The following CERS3 variants were observed in gnomAD, a reference collection of about 807,000 sequenced individuals.
The protein encoded by CERS3 is LAG1 homolog, ceramide synthase 3.
CERS3 carries 33 observed loss-of-function variants against 50.3 expected under a neutral mutation model. The ratio of observed to expected loss-of-function variants is 0.66; its 90% CI spans 0.50 to 0.88. The LOEUF (loss-of-function observed/expected upper bound fraction) is 0.88. CERS3 is among the 40% of genes least tolerant of loss of function. The probability of loss-of-function intolerance (pLI) is 0.00; values close to 1 mark genes in which losing one functional copy is unlikely to be tolerated. For synonymous variants in CERS3, 176 were observed against 155.2 expected (o/e 1.13, Z -0.99); for missense variants, 470 against 460.3 (o/e 1.02, Z -0.19).
At chr15:100,437,856 C>T (rs768860600) in intron 11 of CERS3, 3 of 152,084 alleles carry the variant, frequency 2.0e-5, no homozygotes, top group Non-Finnish European at 4.4e-5. Flanking sequence ...ACGTTTCAAT[C>T]TACACAGAAC....
upstream of CERS3, among the ~76,000 whole-genome samples, chr15:100,532,613 A>G (rs186085205): frequency 6.6e-6 from 1 of 152,170 alleles, no homozygotes; most frequent in African/African-American, 2.4e-5. Context: ...AAGAAAAAAA[A>G]AAAATAGCTG....
chr15:100,440,353 C>G (rs1335797683), intron 11 of CERS3, among the ~76,000 whole-genome samples: 1 of 152,334 alleles, frequency 6.6e-6, no homozygotes, highest in East Asian at 1.9e-4. Context: ...ATGACATTAT[C>G]TTGTGAAATT....
chr15:100,483,877 T>C (rs1182190938), intron 5 of CERS3, among the ~76,000 whole-genome samples: 1 of 146,730 alleles, frequency 6.8e-6, no homozygotes, highest in Non-Finnish European at 1.5e-5. Context: ...GCCTCCCAGG[T>C]TCACGCCATT....
chr15:100,473,819 T>C (rs2035042408), intron 8 of CERS3, among the ~76,000 whole-genome samples: 1 of 152,200 alleles, frequency 6.6e-6, no homozygotes, highest in Admixed American at 6.5e-5. Flanking sequence ...CATATGTTCA[T>C]GCAAAAACTT....
chr15:100,445,573 A>G (rs933337590), intron 11 of CERS3, among the ~76,000 whole-genome samples: 3 of 152,104 alleles, frequency 2.0e-5, no homozygotes, highest in Non-Finnish European at 4.4e-5. Context: ...ATAATTCTAA[A>G]TGACAAATGT....
intron 11 of CERS3, among the ~76,000 whole-genome samples, chr15:100,412,146 A>G (rs1274172124): frequency 1.3e-5 from 2 of 151,882 alleles, no homozygotes; most frequent in African/African-American, 4.8e-5. Context: ...TTTTTCATTT[A>G]TTGTCTGTGC....
intron 11 of CERS3, among the ~76,000 whole-genome samples, chr15:100,444,667 C>A (rs2033856460): frequency 6.6e-6 from 1 of 152,142 alleles, no homozygotes; most frequent in Non-Finnish European, 1.5e-5. Flanking sequence ...ATTATTCAGG[C>A]CCCCTCCCTT....
At chr15:100,448,285 T>C (rs1265462759) in intron 11 of CERS3, among the ~76,000 whole-genome samples, 4 of 152,222 alleles carry the variant, frequency 2.6e-5, no homozygotes, top group Non-Finnish European at 5.9e-5. Context: ...ACAGATCCTC[T>C]AAGAGAAGAG....
chr15:100,474,801 G>A (rs1271423571), intron 8 of CERS3, among the ~76,000 whole-genome samples: 1 of 152,182 alleles, frequency 6.6e-6, no homozygotes, highest in Non-Finnish European at 1.5e-5. Flanking sequence ...AGGAGATCAA[G>A]TTTAGAGAGT....
intron 2 of CERS3, among the ~76,000 whole-genome samples, chr15:100,502,414 C>G (rs2036040478): frequency 6.6e-6 from 1 of 152,130 alleles, no homozygotes; most frequent in Non-Finnish European, 1.5e-5. Flanking sequence ...TTTAACACAT[C>G]ACTATTCACA....
intron 7 of CERS3, among the ~76,000 whole-genome samples, chr15:100,477,637 C>T (rs1182225447): frequency 6.6e-6 from 1 of 152,064 alleles, no homozygotes; most frequent in Non-Finnish European, 1.5e-5. Context: ...CAAAGAAGAC[C>T]ATCCTATACA....
chr15:100,453,160 G>A (rs1042586085), intron 11 of CERS3, among the ~76,000 whole-genome samples: 20 of 151,140 alleles, frequency 1.3e-4, no homozygotes, highest in African/African-American at 3.6e-4. Context: ...CAAGGCCAGC[G>A]TTACCTTGAT....
chr15:100,530,806 G>A (rs1404192436), upstream of CERS3, among the ~76,000 whole-genome samples: 3 of 152,190 alleles, frequency 2.0e-5, no homozygotes, highest in African/African-American at 7.2e-5. Context: ...AACCAGGCTG[G>A]GAACAGTGGC....
At chr15:100,464,019 C>T (rs1188614800) in intron 10 of CERS3, among the ~76,000 whole-genome samples, 2 of 152,166 alleles carry the variant, frequency 1.3e-5, no homozygotes, top group African/African-American at 2.4e-5. Flanking sequence ...TCTCTATTAG[C>T]CATTCCAAGT....
At position 100,402,462 on chromosome 15, in the gene CERS3, C is replaced by A. The variant is rs759182177; in HGVS notation, c.*251G>T. On this transcript the variant is annotated 3_prime_UTR_variant, in exon 12 of 12. Coordinates refer to ENST00000679737, the MANE Select transcript of CERS3 (RefSeq NM_001378789.1). ...TGAGGGAGTGCAATTAGAACTGAGA[C>A]GGTTCTGTGGAGAAATCTTTGAAAT... The A allele has an allele frequency of 2.1e-6, 1 of 477,130 alleles. No homozygotes were observed. The highest frequency in any genetic ancestry group is 3.7e-5 in the Admixed American group (1 of 26,810). The allele number at this position is 477,130 out of a possible 1,614,324, so 29.6% of individuals were successfully genotyped here. A position where few individuals can be genotyped will look rare whatever the true frequency, so the allele number is the denominator to read the frequency against.
intron 11 of CERS3, among the ~76,000 whole-genome samples, chr15:100,440,832 C>T (rs2033646809): frequency 6.6e-6 from 1 of 152,202 alleles, no homozygotes. Flanking sequence ...AATCTTGGCA[C>T]CACACTTCAA....
chr15:100,475,822 G>A (rs1490561255), intron 8 of CERS3: 1 of 191,516 alleles, frequency 5.2e-6, no homozygotes, highest in Non-Finnish European at 1.1e-5. Flanking sequence ...CCAAGAAACA[G>A]ACATATAAAG....
At chr15:100,533,945 T>A (rs1007781787), upstream of CERS3, among the ~76,000 whole-genome samples, 8 of 152,088 alleles carry the variant, frequency 5.3e-5, no homozygotes, top group African/African-American at 1.9e-4. Flanking sequence ...ATAGGGAGAT[T>A]TTTCCCTTGA....
intron 11 of CERS3, among the ~76,000 whole-genome samples, chr15:100,454,319 G>T (rs1016502434): frequency 6.7e-6 from 1 of 148,490 alleles, no homozygotes; most frequent in Non-Finnish European, 1.5e-5. Flanking sequence ...GAGCCTGGGA[G>T]ATTGAGGCAG....
Sources: allele counts gnomAD v4.1 joint callset (sites outside exome capture counted in the v4.1 genomes callset), GRCh38; gene constraint gnomAD v4.1.1; transcripts MANE v1.5; gene names NCBI Gene and HGNC (gene_info 2026-07-23, HGNC 2026-07-21).